VAV3: variants seen among roughly 807,000 people sequenced by gnomAD.
The protein encoded by VAV3 is guanine nucleotide exchange factor VAV3.
VAV3 carries 94 observed loss-of-function variants against 131.2 expected under a neutral mutation model. That is an observed-to-expected ratio of 0.72 (90% CI 0.61 to 0.85). VAV3 has a LOEUF of 0.85. Ranked by LOEUF, VAV3 falls within the 40% of genes least tolerant of loss-of-function variation. The pLI is 0.00. For synonymous variants in VAV3, 349 were observed against 342.0 expected, an observed-to-expected ratio of 1.02 and a Z score of -0.22; for missense variants, 939 against 1,002.7, an observed-to-expected ratio of 0.94 and a Z score of 0.86.
chr1:107,734,854 G>A (rs1417632095), intron 15 of VAV3, among the ~76,000 whole-genome samples: 1 of 152,168 alleles, frequency 6.6e-6, no homozygotes, highest in Non-Finnish European at 1.5e-5. Context: ...GCACCAAGCA[G>A]ACCTAATAGA....
intron 1 of VAV3, among the ~76,000 whole-genome samples, chr1:107,908,359 A>T (rs1410312831): frequency 6.6e-6 from 1 of 152,152 alleles, no homozygotes; most frequent in Admixed American, 6.5e-5. Context: ...GCTTCCTATG[A>T]TTCTCTCATT....
chr1:107,800,566 T>C (rs1666780880), intron 2 of VAV3, among the ~76,000 whole-genome samples: 1 of 152,216 alleles, frequency 6.6e-6, no homozygotes, highest in African/African-American at 2.4e-5. Flanking sequence ...AGGAGGTATA[T>C]GTGCAGATTT....
At chr1:107,828,609 A>C (rs1244011153) in intron 2 of VAV3, among the ~76,000 whole-genome samples, 3 of 152,112 alleles carry the variant, frequency 2.0e-5, no homozygotes, top group Admixed American at 1.3e-4. Context: ...GACTGCCCAC[A>C]ATCCAGATAT....
At chr1:107,657,632 T>TACC (rs1157521397) in intron 19 of VAV3, among the ~76,000 whole-genome samples, 1 of 152,144 alleles carries the variant, frequency 6.6e-6, no homozygotes, top group African/African-American at 2.4e-5. Flanking sequence ...AGCATGACAC[T>TACC]ACCACAGAGG....
intron 15 of VAV3, among the ~76,000 whole-genome samples, chr1:107,714,872 C>T (rs556292381): frequency 1.1e-3 from 160 of 152,190 alleles, no homozygotes; most frequent in Non-Finnish European, 2.0e-3. Context: ...ATAGTATTTT[C>T]TTATCTACTA....
intron 2 of VAV3, chr1:107,785,482 A>C: frequency 1.5e-6 from 2 of 1,324,548 alleles, no homozygotes; most frequent in Non-Finnish European, 2.0e-6. Flanking sequence ...TGCAAGGGCA[A>C]TCAGGCAGCT....
At chr1:107,680,428 C>T (rs556957891) in intron 19 of VAV3, among the ~76,000 whole-genome samples, 35 of 152,154 alleles carry the variant, frequency 2.3e-4, no homozygotes, top group African/African-American at 7.2e-4. Flanking sequence ...ACAAAAAGTC[C>T]AATATTAAAG....
intron 19 of VAV3, chr1:107,672,376 A>G (rs1362930774): frequency 6.6e-6 from 1 of 152,046 alleles, no homozygotes; most frequent in Non-Finnish European, 1.5e-5. Flanking sequence ...CAGAATTAAA[A>G]TCTATTCCTT....
chr1:107,962,572 T>A lies in VAV3; in HGVS notation c.204+2094A>T, dbSNP rs922115. On this transcript the variant is annotated intron_variant, in intron 1 of 26. Transcript: ENST00000370056. The stretch of plus-strand genomic sequence containing the variant: ...TTAAAGGATTTAATGACAACCTGCA[T>A]GATACAAACTCATCGGCCTAGCATC... Among the ~76,000 whole-genome samples the A allele has an allele frequency of 2.2e-3, 329 of 152,330 alleles. 3 individuals carry two copies. The highest frequency in any genetic ancestry group is 3.4e-3 in the Non-Finnish European group (234 of 68,024).
chr1:107,594,989 T>A (rs530597632), intron 25 of VAV3, among the ~76,000 whole-genome samples: 1 of 152,292 alleles, frequency 6.6e-6, no homozygotes, highest in Admixed American at 6.5e-5. Flanking sequence ...GGAAATGTCA[T>A]AGCTTCAACA....
At chr1:107,701,234 C>G (rs532437343) in intron 17 of VAV3, among the ~76,000 whole-genome samples, 6 of 152,156 alleles carry the variant, frequency 3.9e-5, no homozygotes, top group Non-Finnish European at 7.3e-5. Context: ...TAAACTTCAA[C>G]TCTTGACTTT....
intron 2 of VAV3, among the ~76,000 whole-genome samples, chr1:107,838,122 C>T (rs182678527): frequency 2.6e-5 from 4 of 152,224 alleles, no homozygotes; most frequent in Admixed American, 6.5e-5. Context: ...AGAATATATT[C>T]GCAAACTATG....
chr1:107,706,075 G>A (rs116421558), intron 15 of VAV3, among the ~76,000 whole-genome samples: 96 of 152,158 alleles, frequency 6.3e-4, no homozygotes, highest in African/African-American at 2.3e-3. Flanking sequence ...GGCAAAAGAG[G>A]GCAGAAAATT....
intron 3 of VAV3, among the ~76,000 whole-genome samples, chr1:107,777,972 G>T (rs1665460264): frequency 6.6e-6 from 1 of 152,088 alleles, no homozygotes; most frequent in Admixed American, 6.6e-5. Flanking sequence ...TATTCCCACT[G>T]TGTGGCTTCC....
intron 15 of VAV3, among the ~76,000 whole-genome samples, chr1:107,745,829 G>A (rs1189866877): frequency 2.6e-5 from 4 of 152,146 alleles, no homozygotes; most frequent in African/African-American, 9.7e-5. Context: ...CAGCTCCCTT[G>A]ATTTCCCTCC....
intron 24 of VAV3, among the ~76,000 whole-genome samples, chr1:107,597,058 T>C (rs181909790): frequency 7.9e-5 from 12 of 152,316 alleles, no homozygotes; most frequent in Middle Eastern, 3.4e-3. Flanking sequence ...ATCTCTCTAC[T>C]GTAAACTGAA....
At chr1:107,813,874 T>C (rs1570989172) in intron 2 of VAV3, among the ~76,000 whole-genome samples, 2 of 152,124 alleles carry the variant, frequency 1.3e-5, no homozygotes, top group African/African-American at 4.8e-5. Context: ...TTTCTGTGCC[T>C]GAGTTATTGC....
intron 2 of VAV3, chr1:107,785,746 A>T (rs1384323837): frequency 1.3e-6 from 1 of 777,426 alleles, no homozygotes; most frequent in Non-Finnish European, 1.6e-6. Flanking sequence ...TCTGTAGACC[A>T]GGTCAACTGC....
intron 2 of VAV3, among the ~76,000 whole-genome samples, chr1:107,860,822 G>A (rs1338919376): frequency 1.3e-5 from 2 of 151,548 alleles, no homozygotes; most frequent in African/African-American, 4.8e-5. Flanking sequence ...CTTGTGCCCA[G>A]GACTTTGAGT....
Sources: allele counts gnomAD v4.1 joint callset (sites outside exome capture counted in the v4.1 genomes callset), GRCh38; gene constraint gnomAD v4.1.1; transcripts MANE v1.5; gene names NCBI Gene and HGNC (gene_info 2026-07-23, HGNC 2026-07-21).